The following ITGB6 variants were observed in gnomAD, a reference collection of about 807,000 sequenced individuals.
The protein encoded by ITGB6 is integrin beta-6.
Under a neutral mutation model 84.5 loss-of-function variants are expected in ITGB6, and 80 were observed. The observed-to-expected ratio is 0.95, with a 90% CI of 0.79 to 1.14. The LOEUF (loss-of-function observed/expected upper bound fraction) is 1.14, where lower values mean the gene tolerates loss of function less well. ITGB6 is among the 50% of genes most tolerant of loss of function. ITGB6 has a pLI of 0.00. For missense variants in ITGB6, 1,006 were observed against 968.0 expected, an observed-to-expected ratio of 1.04 and a Z score of -0.52; for synonymous variants, 383 against 354.9, an observed-to-expected ratio of 1.08 and a Z score of -0.89.
chr2:160,164,443 G>A (rs1398801961), intron 7 of ITGB6, among the ~76,000 whole-genome samples: 4 of 152,168 alleles, frequency 2.6e-5, no homozygotes, highest in African/African-American at 9.6e-5. Flanking sequence ...TGTAATCCCA[G>A]CACTTTGGGA....
chr2:160,143,198 T>A (rs1229003553), intron 7 of ITGB6, among the ~76,000 whole-genome samples: 1 of 152,066 alleles, frequency 6.6e-6, no homozygotes, highest in East Asian at 1.9e-4. Context: ...GGCAGGAGGA[T>A]CGCTTAAGCC....
rs76692749 is a variant in ITGB6, at chr2:160,113,818, C to T, written c.1982-1619G>A. On this transcript the variant is annotated intron_variant, in intron 12 of 14. Transcript: ENST00000283249. ...AATGGTATTGCATATATAATTCATA[C>T]GTTGGCCATTTTATTTGGCCTTTAC... is the stretch of plus-strand genomic sequence containing the variant. Among the ~76,000 whole-genome samples, 865 of 152,270 alleles carry T rather than the reference C, an allele frequency of 5.7e-3. 11 individuals are homozygous for T. Among genetic ancestry groups the T allele is most frequent in the African/African-American group, 0.02 (845 of 41,532 alleles).
At chr2:160,112,669 C>T (rs111786330) in intron 12 of ITGB6, among the ~76,000 whole-genome samples, 84 of 152,042 alleles carry the variant, frequency 5.5e-4, no homozygotes, top group African/African-American at 1.7e-3. Context: ...ATTGTGGTAA[C>T]AGTAACATAA....
In ITGB6 at chr2:160,169,216, T is replaced by C. The variant is rs1321753703; in HGVS notation, c.1013A>G (p.Tyr338Cys). ...TCCCAAGTTATTTTTGCTTACCTCA[T>C]ATAAATGAACTTGTTCTTGGGTTAC... ...FAVTQEQVHL[Y>C]ENYAKLIPGA... The change falls in exon 7 of 15, where the codon TAT becomes TGT. Residue 338 changes from tyrosine to cysteine, a missense_variant. Physicochemically the swap from Tyr to Cys is radical, Grantham distance 194. Coordinates refer to ENST00000283249, the MANE Select transcript of ITGB6 (RefSeq NM_000888.5). 1 of 1,584,040 alleles carries C rather than the reference T, an allele frequency of 6.3e-7. No homozygotes were observed. Among genetic ancestry groups the C allele is most frequent in the South Asian group, 1.2e-5 (1 of 86,898 alleles).
chr2:160,147,351 G>A (rs952725561), intron 7 of ITGB6, among the ~76,000 whole-genome samples: 1 of 151,874 alleles, frequency 6.6e-6, no homozygotes, highest in African/African-American at 2.4e-5. Context: ...ATCTTAAGTA[G>A]GATAGAAAAA....
chr2:160,132,205 A>T (rs1244615031), intron 10 of ITGB6, among the ~76,000 whole-genome samples: 1 of 152,100 alleles, frequency 6.6e-6, no homozygotes, highest in Non-Finnish European at 1.5e-5. Flanking sequence ...CATCTGCATC[A>T]TGTGAAAAGA....
At chr2:160,180,377 G>A (rs1395035999) in intron 4 of ITGB6, among the ~76,000 whole-genome samples, 3 of 152,154 alleles carry the variant, frequency 2.0e-5, no homozygotes, top group Non-Finnish European at 4.4e-5. Context: ...AAACTCCAGG[G>A]CTTAAGCAAT....
intron 12 of ITGB6, among the ~76,000 whole-genome samples, chr2:160,117,201 C>G (rs1682821223): frequency 6.6e-6 from 1 of 152,080 alleles, no homozygotes; most frequent in Non-Finnish European, 1.5e-5. Flanking sequence ...CCCAAATCAA[C>G]AGAATATACA....
At chr2:160,134,257 T>C (rs1345193701) in intron 10 of ITGB6, among the ~76,000 whole-genome samples, 1 of 152,074 alleles carries the variant, frequency 6.6e-6, no homozygotes, top group Non-Finnish European at 1.5e-5. Flanking sequence ...AAAACTACCA[T>C]CAGAGAATAC....
intron 4 of ITGB6, among the ~76,000 whole-genome samples, chr2:160,177,652 G>A (rs1327436394): frequency 1.3e-5 from 2 of 150,914 alleles, no homozygotes; most frequent in Admixed American, 6.6e-5. Flanking sequence ...TGGTGTTTTT[G>A]GATATATATC....
intron 7 of ITGB6, among the ~76,000 whole-genome samples, chr2:160,158,049 G>A (rs1007534375): frequency 2.6e-5 from 4 of 152,190 alleles, no homozygotes; most frequent in Non-Finnish European, 5.9e-5. Flanking sequence ...GGACACCCAA[G>A]ATTCCAAAAA....
chr2:160,198,599 T>G (rs943114800), intron 2 of ITGB6, among the ~76,000 whole-genome samples: 1 of 152,234 alleles, frequency 6.6e-6, no homozygotes, highest in Non-Finnish European at 1.5e-5. Flanking sequence ...TTTCATGTAG[T>G]TTTCGGTTTG....
At chr2:160,154,974 G>T (rs758503490) in intron 7 of ITGB6, among the ~76,000 whole-genome samples, 26 of 152,092 alleles carry the variant, frequency 1.7e-4, no homozygotes, top group Non-Finnish European at 4.4e-5. Context: ...TGCTGTTTTC[G>T]TGATAGTGAG....
chr2:160,166,692 A>G (rs1166694646), intron 7 of ITGB6, among the ~76,000 whole-genome samples: 1 of 152,206 alleles, frequency 6.6e-6, no homozygotes, highest in Non-Finnish European at 1.5e-5. Flanking sequence ...TATTATCATC[A>G]TTATCTTTCG....
intron 10 of ITGB6, among the ~76,000 whole-genome samples, chr2:160,134,899 G>A (rs547120856): frequency 9.9e-4 from 150 of 152,054 alleles, no homozygotes; most frequent in African/African-American, 3.4e-3. Flanking sequence ...TTGATGGGAC[G>A]TATCTCAAAA....
chr2:160,186,264 C>T (rs966169535), intron 4 of ITGB6, among the ~76,000 whole-genome samples: 1 of 94,440 alleles, frequency 1.1e-5, no homozygotes, highest in African/African-American at 5.0e-5. Context: ...AGAACTTAAA[C>T]AAATTTCCAA....
intron 1 of ITGB6, 76 bp downstream of exon 1, chr2:160,199,927 G>A (rs563883961): frequency 9.0e-7 from 1 of 1,110,226 alleles, no homozygotes; most frequent in Non-Finnish European, 1.4e-6. Flanking sequence ...CATGACTTCA[G>A]ATCTAGTTTC....
chr2:160,192,120 A>T (rs1330878503), intron 4 of ITGB6, among the ~76,000 whole-genome samples: 1 of 152,180 alleles, frequency 6.6e-6, no homozygotes. Context: ...GAAGAAATTG[A>T]CAAGTTGATT....
At chr2:160,158,576 A>G (rs2105849009) in intron 7 of ITGB6, among the ~76,000 whole-genome samples, 1 of 152,336 alleles carries the variant, frequency 6.6e-6, no homozygotes, top group Non-Finnish European at 1.5e-5. Context: ...AGCTTTAGAA[A>G]GCTCTTTTAA....
Sources: gnomAD v4.1 joint callset for allele counts (sites outside exome capture counted in the v4.1 genomes callset) on GRCh38, gnomAD v4.1.1 for gene constraint, MANE v1.5 for transcripts, NCBI Gene and HGNC (gene_info 2026-07-23, HGNC 2026-07-21) for gene names.